PEAK1: variants seen among roughly 807,000 people sequenced by gnomAD.
PEAK1 encodes pseudopodium enriched atypical kinase 1, also known as inactive tyrosine-protein kinase PEAK1.
PEAK1 carries 54 observed loss-of-function variants against 124.7 expected under a neutral mutation model. The observed-to-expected ratio is 0.43, with a 90% CI of 0.35 to 0.54. The LOEUF is 0.54. Ranked by LOEUF, PEAK1 falls within the 20% of genes least tolerant of loss-of-function variation. The pLI is 0.01. For synonymous variants in PEAK1, 719 were observed against 760.0 expected (o/e 0.95, Z 0.89); for missense variants, 2,046 against 2,134.5 (o/e 0.96, Z 0.82).
intron 1 of PEAK1, among the ~76,000 whole-genome samples, chr15:77,405,645 T>C (rs1481501755): frequency 2.0e-5 from 3 of 152,060 alleles, no homozygotes; most frequent in East Asian, 1.9e-4. Context: ...TGAAGGCCCA[T>C]AGAAGATAAG....
intron 5 of PEAK1, among the ~76,000 whole-genome samples, chr15:77,262,254 T>G: frequency 6.6e-6 from 1 of 152,048 alleles, no homozygotes; most frequent in Non-Finnish European, 1.5e-5. Context: ...AATTCACACA[T>G]AACAATATTA....
intron 6 of PEAK1, among the ~76,000 whole-genome samples, chr15:77,243,317 A>G (rs2060438520): frequency 1.3e-5 from 2 of 152,240 alleles, no homozygotes; most frequent in South Asian, 2.1e-4. Context: ...TTTGACAAAT[A>G]CAGAGATATC....
chr15:77,117,786 GA>G (rs565553362), intron 9 of PEAK1, among the ~76,000 whole-genome samples: 1 of 148,292 alleles, frequency 6.7e-6, no homozygotes, highest in Non-Finnish European at 1.5e-5. Context: ...AAGTCAGGCT[GA>G]AAAAAAAAAC....
At chr15:77,323,498 C>T (rs1175604317) in intron 2 of PEAK1, among the ~76,000 whole-genome samples, 7 of 152,050 alleles carry the variant, frequency 4.6e-5, no homozygotes, top group East Asian at 1.9e-4. Context: ...AACAGACAAA[C>T]GGAGAGCCAA....
At chr15:77,312,679 G>GT (rs2064549948) in intron 2 of PEAK1, among the ~76,000 whole-genome samples, 1 of 152,222 alleles carries the variant, frequency 6.6e-6, no homozygotes, top group Admixed American at 6.5e-5. Flanking sequence ...CCTCGAATTT[G>GT]TTTTCATACT....
intron 7 of PEAK1, among the ~76,000 whole-genome samples, chr15:77,161,571 T>G (rs2055643631): frequency 6.6e-6 from 1 of 152,244 alleles, no homozygotes; most frequent in African/African-American, 2.4e-5. Context: ...AGGTTTAATC[T>G]GCATTTACAG....
chr15:77,119,796 G>A (rs1469140975), intron 9 of PEAK1, among the ~76,000 whole-genome samples: 1 of 152,182 alleles, frequency 6.6e-6, no homozygotes, highest in African/African-American at 2.4e-5. Context: ...ATACCTTTAA[G>A]GCAAATTTGT....
In PEAK1 at chr15:77,180,588, C is replaced by T; in HGVS notation, c.1339G>A (p.Ala447Thr). 3 of 1,614,146 alleles carry T rather than the reference C, an allele frequency of 1.9e-6. No individual in the cohort carries two copies. Among genetic ancestry groups the T allele is most frequent in the Non-Finnish European group, 2.5e-6 (3 of 1,180,022 alleles). ...GTGGGGACAAGGTTTATGGTTACTGCTTGCCCAGCAACATCTGTAGAGGCT... is the reference window on the plus strand; with the variant it reads ...GTGGGGACAAGGTTTATGGTTACTGTTTGCCCAGCAACATCTGTAGAGGCT... Reference protein sequence around the residue: ...SKASTDVAGQAVTINLVPTEE... With the variant: ...SKASTDVAGQTVTINLVPTEE... Residue 447 changes from alanine to threonine, a missense_variant, in exon 7 of 10, where the codon GCA becomes ACA. By Grantham distance (58) the Ala-to-Thr change is moderately conservative (BLOSUM62 0). Coordinates refer to ENST00000682557, the MANE Select transcript of PEAK1 (RefSeq NM_001385026.1).
intron 5 of PEAK1, among the ~76,000 whole-genome samples, chr15:77,256,700 T>C (rs1004410702): frequency 6.6e-6 from 1 of 152,168 alleles, no homozygotes; most frequent in Admixed American, 6.6e-5. Flanking sequence ...CATTTGTTTA[T>C]ATATTGTCTA....
intron 5 of PEAK1, among the ~76,000 whole-genome samples, chr15:77,263,798 A>G (rs1005141452): frequency 2.6e-5 from 4 of 152,156 alleles, no homozygotes; most frequent in Non-Finnish European, 4.4e-5. Flanking sequence ...CAGAGACACA[A>G]CAACAAAAAA....
intron 1 of PEAK1, among the ~76,000 whole-genome samples, chr15:77,414,959 T>C (rs2072752881): frequency 6.6e-6 from 1 of 152,196 alleles, no homozygotes; most frequent in Non-Finnish European, 1.5e-5. Context: ...CAACTGTCCT[T>C]CAGATATCTC....
Position 77,114,856 on chromosome 15 carries a change from T to C in PEAK1, c.4541A>G (p.His1514Arg), listed in dbSNP as rs776529057. ...CAGGTTCTCTAGGCGTAGATCGCAGTGAGTGACATGGTAGGGTTTGAGGTG... is the reference window on the plus strand; with the variant it reads ...CAGGTTCTCTAGGCGTAGATCGCAGCGAGTGACATGGTAGGGTTTGAGGTG... ...LEHLKPYHVT[H>R]CDLRLENLLL... Residue 1514 changes from histidine to arginine, a missense_variant, in exon 10 of 10, where the codon CAC (histidine) becomes CGC (arginine). Physicochemically the swap from His to Arg is conservative, Grantham distance 29. Transcript: ENST00000682557. The C allele has an allele frequency of 6.2e-7, 1 of 1,613,626 alleles. No individual in the cohort carries two copies. The highest frequency in any genetic ancestry group is 2.2e-5 in the East Asian group (1 of 44,858).
intron 2 of PEAK1, among the ~76,000 whole-genome samples, chr15:77,302,517 A>G (rs2063840217): frequency 6.6e-6 from 1 of 152,172 alleles, no homozygotes; most frequent in Non-Finnish European, 1.5e-5. Context: ...GGTAATTTCA[A>G]CATTATTAAT....
At chr15:77,402,904 C>T in intron 1 of PEAK1, 2 of 985,280 alleles carry the variant, frequency 2.0e-6, no homozygotes, top group African/African-American at 3.5e-5. Context: ...TGGGCAGTTG[C>T]AGAAACTCAT....
At chr15:77,178,636 C>G in intron 7 of PEAK1, 154 bp downstream of exon 7, 1 of 766,976 alleles carries the variant, frequency 1.3e-6, no homozygotes, top group Non-Finnish European at 2.0e-6. Context: ...TAATACTATT[C>G]TAATCTTGGA....
intron 7 of PEAK1, among the ~76,000 whole-genome samples, chr15:77,175,833 G>A (rs2056827018): frequency 6.6e-6 from 1 of 152,140 alleles, no homozygotes; most frequent in African/African-American, 2.4e-5. Context: ...ATTCACAATA[G>A]CAAAGACTTG....
rs991631056 is a variant in PEAK1 at position 77,351,964 on chromosome 15, T to C, written c.-603+13199A>G. 3 of 984,314 alleles carry C rather than the reference T, an allele frequency of 3.0e-6. No individual in the cohort carries two copies. In the African/African-American group the frequency reaches 5.2e-5, roughly 17 times the overall value. 61.0% of individuals were successfully genotyped at this position (984,314 alleles called of 1,614,324 possible). A position where few individuals can be genotyped will look rare whatever the true frequency, so the allele number is the denominator to read the frequency against. ...AGCCAGGTGTGGTGGCTCATGCCTATAATACCAGCAATTTGGGAGGCCAAG... is the reference window on the plus strand; with the variant it reads ...AGCCAGGTGTGGTGGCTCATGCCTACAATACCAGCAATTTGGGAGGCCAAG... On this transcript the variant is annotated intron_variant, in intron 2 of 9. Transcript: ENST00000682557.
At chr15:77,265,761 TAC>T (rs1460157023) in intron 5 of PEAK1, among the ~76,000 whole-genome samples, 1 of 152,090 alleles carries the variant, frequency 6.6e-6, no homozygotes. Flanking sequence ...ACTGGGTATA[TAC>T]CCAAAGGACT....
chr15:77,304,699 G>A (rs558610207), intron 2 of PEAK1, among the ~76,000 whole-genome samples: 127 of 151,926 alleles, frequency 8.4e-4, no homozygotes, highest in African/African-American at 2.0e-3. Flanking sequence ...CTGCTGCCTC[G>A]GCCTCCCAAA....
Sources: gnomAD v4.1 joint callset for allele counts (sites outside exome capture counted in the v4.1 genomes callset) on GRCh38, gnomAD v4.1.1 for gene constraint, MANE v1.5 for transcripts, NCBI Gene and HGNC (gene_info 2026-07-23, HGNC 2026-07-21) for gene names.